STRN3: variants seen among roughly 807,000 people sequenced by gnomAD.
The protein encoded by STRN3 is striatin-3.
In STRN3, 29 loss-of-function variants were observed where a neutral mutation model predicts 95.6. That is an observed-to-expected ratio of 0.30 (90% confidence interval 0.23 to 0.41). The LOEUF (loss-of-function observed/expected upper bound fraction) is 0.41, where lower values mean the gene tolerates loss of function less well. Among genes scored for constraint, STRN3 ranks in the 10% least tolerant of loss-of-function variants. The probability of loss-of-function intolerance (pLI) is 1.00; values close to 1 mark genes in which losing one functional copy is unlikely to be tolerated. For missense variants in STRN3, 890 were observed against 972.1 expected, an observed-to-expected ratio of 0.92 and a Z score of 1.12; for synonymous variants, 331 against 357.6, an observed-to-expected ratio of 0.93 and a Z score of 0.84.
chr14:31,006,826 T>C (rs953375504), intron 1 of STRN3, among the ~76,000 whole-genome samples: 1 of 152,152 alleles, frequency 6.6e-6, no homozygotes, highest in Admixed American at 6.6e-5. Context: ...AAAATGTTAA[T>C]GTAGCCTGGT....
intron 1 of STRN3, among the ~76,000 whole-genome samples, chr14:31,005,269 T>G (rs530915654): frequency 2.4e-4 from 36 of 152,022 alleles, no homozygotes; most frequent in Admixed American, 6.5e-4. Flanking sequence ...GAGTCGGAAG[T>G]TGTAGTGAGC....
chr14:30,920,291 C>T (rs1896847732), intron 8 of STRN3, among the ~76,000 whole-genome samples: 1 of 152,042 alleles, frequency 6.6e-6, no homozygotes, highest in African/African-American at 2.4e-5. Flanking sequence ...TAATATGTTA[C>T]GTAGTCTGAA....
chr14:30,910,632 T>C (rs1360271241), intron 13 of STRN3, among the ~76,000 whole-genome samples: 1 of 151,810 alleles, frequency 6.6e-6, no homozygotes, highest in Non-Finnish European at 1.5e-5. Flanking sequence ...GAGCTAAGAA[T>C]AACAAAAAAA....
chr14:30,948,081 A>G (rs1879454940), intron 4 of STRN3, among the ~76,000 whole-genome samples: 1 of 152,200 alleles, frequency 6.6e-6, no homozygotes, highest in African/African-American at 2.4e-5. Context: ...TAAGCAAGAT[A>G]CAATCTCTTT....
In STRN3 at chr14:30,895,308, G is replaced by A; in HGVS notation, c.*103C>T. 2 of 1,232,082 alleles carry A rather than the reference G, an allele frequency of 1.6e-6. No homozygotes were observed. The highest frequency in any genetic ancestry group is 1.7e-5 in the South Asian group (1 of 58,178). The allele number at this position is 1,232,082 out of a possible 1,614,324, so 76.3% of individuals were successfully genotyped here. On this transcript the variant is annotated 3_prime_UTR_variant, in exon 18 of 18. Transcript: ENST00000357479. ...TGCCTGCCCCAGATAGCCTTCACCA[G>A]GCAGATCACATGTAGTGTCATATCA...
intron 13 of STRN3, among the ~76,000 whole-genome samples, chr14:30,908,419 A>G (rs1371931464): frequency 1.3e-5 from 2 of 152,124 alleles, no homozygotes; most frequent in Non-Finnish European, 2.9e-5. Context: ...GATACAAAAC[A>G]TTTTGTTGTT....
chr14:30,943,022 A>C lies in STRN3; in HGVS notation c.716+4068T>G, dbSNP rs540960370. ...GTCTGTCTTCAGAATTCATATTCTT[A>C]ACCATTAGGCATACTGCCTCTAAAA... On this transcript the variant is annotated intron_variant, in intron 5 of 17. Coordinates refer to ENST00000357479, the MANE Select transcript of STRN3 (RefSeq NM_001083893.2). Among the ~76,000 whole-genome samples the C allele has an allele frequency of 2.0e-4, 31 of 152,340 alleles. No homozygotes were observed. The South Asian group carries it at 5.8e-3, about 28-fold the overall frequency.
At chr14:30,921,074 A>G (rs933211605) in intron 8 of STRN3, among the ~76,000 whole-genome samples, 2 of 76,168 alleles carry the variant, frequency 2.6e-5, no homozygotes, top group African/African-American at 9.3e-5. Flanking sequence ...ATACATATAC[A>G]CACACACACA....
chr14:30,973,325 C>A (rs1468729446), intron 1 of STRN3, among the ~76,000 whole-genome samples: 1 of 146,366 alleles, frequency 6.8e-6, no homozygotes, highest in African/African-American at 2.5e-5. Flanking sequence ...AACTGACAAC[C>A]CTTTAGGTGG....
intron 1 of STRN3, chr14:30,964,732 T>G (rs1275613880): frequency 6.6e-6 from 1 of 152,266 alleles, no homozygotes; most frequent in Admixed American, 6.6e-5. Context: ...TCAGCTTGGC[T>G]AATAGGGTGA....
chr14:30,970,992 C>T (rs116273794), intron 1 of STRN3, among the ~76,000 whole-genome samples: 310 of 152,362 alleles, frequency 2.0e-3, no homozygotes, highest in African/African-American at 7.0e-3. Flanking sequence ...TCTGCTATAT[C>T]CCAAAATCCG....
At chr14:30,960,116 G>A (rs1476682991) in intron 1 of STRN3, among the ~76,000 whole-genome samples, 1 of 151,962 alleles carries the variant, frequency 6.6e-6, no homozygotes, top group East Asian at 1.9e-4. Context: ...AGCACTCTGG[G>A]AGGCTGAGGA....
intron 1 of STRN3, among the ~76,000 whole-genome samples, chr14:30,959,515 C>T (rs1038879297): frequency 1.5e-5 from 2 of 135,828 alleles, no homozygotes; most frequent in Admixed American, 1.4e-4. Context: ...GTGATAATAA[C>T]ATAATAATGA....
intron 10 of STRN3, 33 bp downstream of exon 10, chr14:30,913,491 T>C: frequency 6.4e-7 from 1 of 1,551,338 alleles, no homozygotes; most frequent in Non-Finnish European, 8.7e-7. Context: ...TTCTATTAAA[T>C]CATTAAAAAA....
chr14:30,980,881 T>C (rs1881362762), intron 1 of STRN3, among the ~76,000 whole-genome samples: 1 of 152,054 alleles, frequency 6.6e-6, no homozygotes, highest in Admixed American at 6.6e-5. Context: ...CTAAAGAAAC[T>C]GCAACACCAC....
chr14:30,990,227 A>C (rs1881889303), intron 1 of STRN3, among the ~76,000 whole-genome samples: 1 of 151,014 alleles, frequency 6.6e-6, no homozygotes, highest in East Asian at 1.9e-4. Flanking sequence ...CAGTGGCGCA[A>C]TCTCGGCTCA....
At chr14:30,943,084 A>G (rs1169676932) in intron 5 of STRN3, among the ~76,000 whole-genome samples, 3 of 152,242 alleles carry the variant, frequency 2.0e-5, no homozygotes, top group Non-Finnish European at 4.4e-5. Context: ...ACTTTTGGAC[A>G]TTAAGACTGC....
chr14:31,015,044 G>A (rs921595606), intron 1 of STRN3, among the ~76,000 whole-genome samples: 1 of 152,160 alleles, frequency 6.6e-6, no homozygotes, highest in Non-Finnish European at 1.5e-5. Flanking sequence ...GGCCAGACTG[G>A]TCTCAAACTC....
At chr14:31,008,187 T>C (rs1347051067) in intron 1 of STRN3, among the ~76,000 whole-genome samples, 1 of 126,734 alleles carries the variant, frequency 7.9e-6, no homozygotes, top group Admixed American at 8.2e-5. Flanking sequence ...TGAGACTCCG[T>C]CTCAAAAAAA....
Sources: gnomAD v4.1 joint callset for allele counts (sites outside exome capture counted in the v4.1 genomes callset) on GRCh38, gnomAD v4.1.1 for gene constraint, MANE v1.5 for transcripts, NCBI Gene and HGNC (gene_info 2026-07-23, HGNC 2026-07-21) for gene names.